The following IGSF21 variants were observed in gnomAD, a reference collection of about 807,000 sequenced individuals.
The protein encoded by IGSF21 is immunoglobin superfamily member 21, also known as immunoglobulin superfamily member 21.
In IGSF21, 28 loss-of-function variants were observed where a neutral mutation model predicts 46.8. The ratio of observed to expected loss-of-function variants is 0.60; its 90% confidence interval spans 0.44 to 0.82. The LOEUF is 0.82. Ranked by LOEUF, IGSF21 falls within the 40% of genes least tolerant of loss-of-function variation. The pLI is 0.00. For missense variants in IGSF21, 624 were observed against 665.5 expected (o/e 0.94, Z 0.69); for synonymous variants, 284 against 273.6 (o/e 1.04, Z -0.38).
chr1:18,256,949 A>C (rs1033365716), intron 2 of IGSF21, among the ~76,000 whole-genome samples: 2 of 152,150 alleles, frequency 1.3e-5, no homozygotes, highest in Non-Finnish European at 2.9e-5. Flanking sequence ...CATTCCAGGA[A>C]CTGGCTGACT....
intron 2 of IGSF21, among the ~76,000 whole-genome samples, chr1:18,268,447 GGGCTGT>G (rs1410783973): frequency 6.6e-6 from 1 of 152,182 alleles, no homozygotes; most frequent in African/African-American, 2.4e-5. Flanking sequence ...AAGTGCTTTT[GGGCTGT>G]GGCTGGGGGT....
intron 1 of IGSF21, among the ~76,000 whole-genome samples, chr1:18,209,850 GC>G (rs1483250599): frequency 6.6e-6 from 1 of 152,024 alleles, no homozygotes; most frequent in African/African-American, 2.4e-5. Context: ...AGACAAACCT[GC>G]CCCAGACACG....
At chr1:18,343,658 T>C (rs207460044) in intron 4 of IGSF21, among the ~76,000 whole-genome samples, 3 of 152,236 alleles carry the variant, frequency 2.0e-5, no homozygotes, top group Admixed American at 6.5e-5. Flanking sequence ...ATCATTTGCA[T>C]GTGGATGTCT....
intron 2 of IGSF21, among the ~76,000 whole-genome samples, chr1:18,288,738 C>T (rs1041924970): frequency 1.3e-5 from 2 of 152,210 alleles, no homozygotes; most frequent in Non-Finnish European, 2.9e-5. Flanking sequence ...TTTCCTTTGC[C>T]TTCCGAGAGG....
chr1:18,301,724 A>G (rs1163759274), intron 3 of IGSF21, among the ~76,000 whole-genome samples: 1 of 152,138 alleles, frequency 6.6e-6, no homozygotes, highest in East Asian at 1.9e-4. Flanking sequence ...CCACCCCTAC[A>G]CACATGTGCG....
At position 18,258,501 on chromosome 1, in the gene IGSF21, G is replaced by C. The variant is rs149510331; in HGVS notation, c.183+30491G>C. Among the ~76,000 whole-genome samples the C allele has an allele frequency of 1.4e-4, 22 of 152,298 alleles. No individual in the cohort carries two copies. The East Asian group carries it at 4.2e-3, about 29-fold the overall frequency. On this transcript the variant is annotated intron_variant, in intron 2 of 9. Transcript: ENST00000251296. ...TGGGAGTCAGGAAACCTGGGTTTTA[G>C]TCTTGATTTTTGTCATAAGTACACT...
Position 18,335,219 on chromosome 1 carries a change from CCTCCCCT to C in IGSF21, c.424+211_424+217del, listed in dbSNP as rs1168393504. Among the ~76,000 whole-genome samples, 1 of 152,176 alleles carries C rather than the reference CCTCCCCT, an allele frequency of 6.6e-6. No homozygotes were observed. Among genetic ancestry groups the C allele is most frequent in the Non-Finnish European group, 1.5e-5 (1 of 68,010 alleles). ...CCCGTGAAGTCTTGCCCCCCATGGGCCTCCCCTCAGGAGGTCCCCTTCTCAGCACAGG... is the reference window on the plus strand; with the variant it reads ...CCCGTGAAGTCTTGCCCCCCATGGGCCAGGAGGTCCCCTTCTCAGCACAGG... On this transcript the variant is annotated intron_variant, in intron 4 of 9. Transcript: ENST00000251296. This position sits in a 1 kb window ranked among gnomAD's most constrained non-coding sequence, Gnocchi z 4.8.
At chr1:18,233,472 T>C (rs939683675) in intron 2 of IGSF21, among the ~76,000 whole-genome samples, 1 of 152,200 alleles carries the variant, frequency 6.6e-6, no homozygotes, top group East Asian at 1.9e-4. Context: ...GTGTGTGAGT[T>C]TGACCTTGGG....
At chr1:18,149,490 T>G (rs537993699) in intron 1 of IGSF21, among the ~76,000 whole-genome samples, 1 of 152,076 alleles carries the variant, frequency 6.6e-6, no homozygotes, top group South Asian at 2.1e-4. Flanking sequence ...ATGTTGCTAA[T>G]AATAAGGGGT....
chr1:18,121,153 G>A (rs1025075941), intron 1 of IGSF21, among the ~76,000 whole-genome samples: 1 of 152,108 alleles, frequency 6.6e-6, no homozygotes, highest in Non-Finnish European at 1.5e-5. Flanking sequence ...AGCTACTCCT[G>A]CCAGAGGCTA....
At chr1:18,250,386 C>T (rs1360592819) in intron 2 of IGSF21, among the ~76,000 whole-genome samples, 1 of 151,972 alleles carries the variant, frequency 6.6e-6, no homozygotes, top group Non-Finnish European at 1.5e-5. Context: ...GCTGCCCCGT[C>T]CACACCACTT....
chr1:18,186,224 G>A (rs1411517258), intron 1 of IGSF21, among the ~76,000 whole-genome samples: 2 of 152,134 alleles, frequency 1.3e-5, no homozygotes, highest in Non-Finnish European at 2.9e-5. Flanking sequence ...GGAGGGCAAA[G>A]CTCTTAGGGG....
At chr1:18,364,413 C>G (rs2086137787) in intron 5 of IGSF21, among the ~76,000 whole-genome samples, 1 of 150,108 alleles carries the variant, frequency 6.7e-6, no homozygotes, top group South Asian at 2.2e-4. Flanking sequence ...CTTCACCCCC[C>G]TGCAGTCCCT....
intron 2 of IGSF21, among the ~76,000 whole-genome samples, chr1:18,248,991 T>C (rs904274743): frequency 6.6e-6 from 1 of 152,094 alleles, no homozygotes; most frequent in Non-Finnish European, 1.5e-5. Context: ...AGAACCTAGC[T>C]GGGAGCCTGC....
At chr1:18,256,559 C>G (rs1008140559) in intron 2 of IGSF21, among the ~76,000 whole-genome samples, 1 of 152,140 alleles carries the variant, frequency 6.6e-6, no homozygotes, top group Non-Finnish European at 1.5e-5. Context: ...AGAAACCACC[C>G]TGGCGGTGCC....
Position 18,376,982 on chromosome 1 carries a change from C to T in IGSF21, c.1284C>T (p.Leu428=), listed in dbSNP as rs74056452. The change falls in exon 8 of 10, where the codon CTC becomes CTT. Residue 428 remains leucine, a synonymous_variant. Coordinates refer to ENST00000251296, the MANE Select transcript of IGSF21 (RefSeq NM_032880.5). Reference sequence around the variant, plus strand: ...GCTCCACCGACACGCACACCCGGCTCATCGTGTTTGGTATGGCGCGCTCAA... The same window carrying T: ...GCTCCACCGACACGCACACCCGGCTTATCGTGTTTGGTATGGCGCGCTCAA... ...PLGSTDTHTR[L]IVFENPNIPR... The T allele has an allele frequency of 1.4e-3, 2,207 of 1,592,378 alleles. 19 individuals carry two copies. In the African/African-American group the frequency reaches 0.021, roughly 15 times the overall value.
chr1:18,145,813 T>C (rs1302606405), intron 1 of IGSF21, among the ~76,000 whole-genome samples: 1 of 152,050 alleles, frequency 6.6e-6, no homozygotes, highest in East Asian at 1.9e-4. Context: ...GCCCTTGGGC[T>C]CCCCTGCCAA....
chr1:18,219,676 T>G (rs2084487625), intron 1 of IGSF21, among the ~76,000 whole-genome samples: 1 of 152,142 alleles, frequency 6.6e-6, no homozygotes, highest in South Asian at 2.1e-4. Context: ...GCTCCCTGAT[T>G]GGCAAATAGG....
At chr1:18,247,258 G>A (rs763253202) in intron 2 of IGSF21, among the ~76,000 whole-genome samples, 13 of 152,154 alleles carry the variant, frequency 8.5e-5, no homozygotes, top group Middle Eastern at 3.4e-3. Flanking sequence ...CAGGATGGGG[G>A]CCAGCTCTGT....
Sources: allele counts gnomAD v4.1 joint callset (sites outside exome capture counted in the v4.1 genomes callset), GRCh38; gene constraint gnomAD v4.1.1; non-coding constraint Gnocchi (gnomAD v3.1); transcripts MANE v1.5; gene names NCBI Gene and HGNC (gene_info 2026-07-23, HGNC 2026-07-21).